IRAK1BP1: variants seen among roughly 807,000 people sequenced by gnomAD.
The protein encoded by IRAK1BP1 is interleukin-1 receptor-associated kinase 1-binding protein 1.
In IRAK1BP1, 24 loss-of-function variants were observed where a neutral mutation model predicts 28.0. The ratio of observed to expected loss-of-function variants is 0.86; its 90% CI spans 0.62 to 1.20. The LOEUF (loss-of-function observed/expected upper bound fraction) is 1.20, where lower values mean the gene tolerates loss of function less well. Ranked by LOEUF, IRAK1BP1 falls within the 50% of genes most tolerant of loss-of-function variation. The pLI is 0.00. For missense variants in IRAK1BP1, 336 were observed against 316.7 expected (o/e 1.06, Z -0.46); for synonymous variants, 131 against 116.3 (o/e 1.13, Z -0.81).
At chr6:78,955,650 TA>T in the IRAK1BP1 span, 1 of 1,097,900 alleles carries the variant, frequency 9.1e-7, no homozygotes, top group Non-Finnish European at 1.4e-6. Flanking sequence ...CATTGAATTA[TA>T]AAGTGGAATT....
At chr6:78,910,675 A>T (rs1047092528) in intron 4 of IRAK1BP1, among the ~76,000 whole-genome samples, 1 of 152,212 alleles carries the variant, frequency 6.6e-6, no homozygotes, top group African/African-American at 2.4e-5. Flanking sequence ...GCGGCGGATG[A>T]CCCGGGCTCC....
intron 1 of IRAK1BP1, among the ~76,000 whole-genome samples, chr6:78,880,635 A>C (rs1013342242): frequency 6.6e-6 from 1 of 152,208 alleles, no homozygotes; most frequent in African/African-American, 2.4e-5. Context: ...TGTAAATTAC[A>C]TAGCTGATGA....
the IRAK1BP1 span, among the ~76,000 whole-genome samples, chr6:78,953,496 A>C: frequency 6.6e-6 from 1 of 152,236 alleles, no homozygotes; most frequent in Non-Finnish European, 1.5e-5. Flanking sequence ...AGCGAAATCC[A>C]TAAGTTGTGA....
chr6:78,895,112 C>CAA (rs529424880), intron 2 of IRAK1BP1, among the ~76,000 whole-genome samples: 2 of 109,662 alleles, frequency 1.8e-5, no homozygotes, highest in African/African-American at 3.4e-5. Flanking sequence ...GACTCCATCT[C>CAA]AAAAAAAAAA....
intron 4 of IRAK1BP1, among the ~76,000 whole-genome samples, chr6:78,934,951 TA>T (rs1773214131): frequency 6.6e-6 from 1 of 152,214 alleles, no homozygotes; most frequent in African/African-American, 2.4e-5. Context: ...CAGTAAGTGG[TA>T]AATGTGTTAA....
the IRAK1BP1 span, among the ~76,000 whole-genome samples, chr6:78,962,245 CAA>C: frequency 6.6e-6 from 1 of 151,976 alleles, no homozygotes; most frequent in Non-Finnish European, 1.5e-5. Flanking sequence ...AAATATTAGA[CAA>C]GTAGAGAAAA....
chr6:78,956,543 C>CTA, the IRAK1BP1 span: 1 of 152,134 alleles, frequency 6.6e-6, no homozygotes, highest in Non-Finnish European at 1.5e-5. Flanking sequence ...CCCTTGCTCT[C>CTA]AGAGCTTATA....
Position 78,898,411 on chromosome 6 carries a change from AATATATATAT to A in IRAK1BP1, c.*102_*111del, listed in dbSNP as rs58937738. On this transcript the variant is annotated 3_prime_UTR_variant, in exon 4 of 4. Transcript: ENST00000369940. The stretch of plus-strand genomic sequence containing the variant: ...TTTTATAATGTTTACGTTTGTCCTG[AATATATATAT>A]ATATATATATATATATATATATATG... 7.5e-3 allele frequency: 649 copies of A among 86,524 alleles called. 26 individuals are homozygous for A. The highest frequency in any genetic ancestry group is 0.039 in the East Asian group (104 of 2,694). The allele number at this position is 86,524 out of a possible 1,614,324, so 5.4% of individuals were successfully genotyped here. A position where few individuals can be genotyped will look rare whatever the true frequency, so the allele number is the denominator to read the frequency against.
chr6:78,957,030 TAAAA>T, the IRAK1BP1 span: 1 of 151,996 alleles, frequency 6.6e-6, no homozygotes, highest in Non-Finnish European at 1.5e-5. Context: ...GACTATCTGC[TAAAA>T]AAAGTATTTT....
intron 4 of IRAK1BP1, among the ~76,000 whole-genome samples, chr6:78,929,084 T>A (rs1173955186): frequency 6.6e-6 from 1 of 152,164 alleles, no homozygotes; most frequent in Non-Finnish European, 1.5e-5. Context: ...TCAGTATGAT[T>A]GGTGTTAGTT....
exon 5 of IRAK1BP1, chr6:78,945,592 C>A: frequency 1.3e-6 from 1 of 780,280 alleles, no homozygotes; most frequent in Non-Finnish European, 2.1e-6. Context: ...GCCAAGACAA[C>A]AAAACCTGAA....
chr6:78,873,992 G>A (rs1770894404), intron 1 of IRAK1BP1, among the ~76,000 whole-genome samples: 1 of 152,132 alleles, frequency 6.6e-6, no homozygotes, highest in South Asian at 2.1e-4. Flanking sequence ...GTTGTAATAT[G>A]GGCTTTCATT....
intron 1 of IRAK1BP1, among the ~76,000 whole-genome samples, chr6:78,869,105 G>A (rs1333598628): frequency 6.6e-6 from 1 of 152,216 alleles, no homozygotes; most frequent in Non-Finnish European, 1.5e-5. Flanking sequence ...AGTAAAGTGG[G>A]TTTAATATGT....
chr6:78,884,975 G>A (rs1313179146), intron 1 of IRAK1BP1, among the ~76,000 whole-genome samples: 1 of 152,008 alleles, frequency 6.6e-6, no homozygotes, highest in Non-Finnish European at 1.5e-5. Context: ...CCAATGTGCA[G>A]GTGACACCTA....
At chr6:78,928,272 G>T (rs1319741345) in intron 4 of IRAK1BP1, among the ~76,000 whole-genome samples, 2 of 151,840 alleles carry the variant, frequency 1.3e-5, no homozygotes, top group East Asian at 3.9e-4. Context: ...TTTATTTGTG[G>T]TTATTATAAA....
the IRAK1BP1 span, among the ~76,000 whole-genome samples, chr6:78,959,699 T>A: frequency 6.6e-6 from 1 of 152,164 alleles, no homozygotes; most frequent in African/African-American, 2.4e-5. Flanking sequence ...TTCTAATTCA[T>A]GTAAGTATTG....
At chr6:78,936,640 G>A (rs1375341758) in intron 4 of IRAK1BP1, 2 of 151,726 alleles carry the variant, frequency 1.3e-5, no homozygotes, top group Non-Finnish European at 3.0e-5. Context: ...TCAACACAGA[G>A]CTATCAAAAC....
At chr6:78,935,040 AC>A (rs1773218073) in intron 4 of IRAK1BP1, among the ~76,000 whole-genome samples, 1 of 152,136 alleles carries the variant, frequency 6.6e-6, no homozygotes, top group Admixed American at 6.6e-5. Flanking sequence ...CTTTAATCTT[AC>A]TTCCGTTAAA....
At chr6:78,947,908 A>G, downstream of IRAK1BP1, 4 of 484,152 alleles carry the variant, frequency 8.3e-6, no homozygotes, top group South Asian at 5.5e-5. Context: ...TGTTCCCCTT[A>G]TCAAGAGTCC....
Sources: allele counts gnomAD v4.1 joint callset (sites outside exome capture counted in the v4.1 genomes callset), GRCh38; gene constraint gnomAD v4.1.1; transcripts MANE v1.5; gene names NCBI Gene and HGNC (gene_info 2026-07-23, HGNC 2026-07-21).